PTPRM: variants seen among roughly 807,000 people sequenced by gnomAD.
The protein encoded by PTPRM is receptor-type tyrosine-protein phosphatase mu.
In PTPRM, 47 loss-of-function variants were observed where a neutral mutation model predicts 186.7. The observed-to-expected ratio is 0.25, with a 90% CI of 0.20 to 0.32. The LOEUF is 0.32. PTPRM is among the 10% of genes least tolerant of loss of function. The probability of loss-of-function intolerance (pLI) is 1.00; values close to 1 mark genes in which losing one functional copy is unlikely to be tolerated. For missense variants in PTPRM, 1,494 were observed against 1,865.0 expected, an observed-to-expected ratio of 0.80 and a Z score of 3.66; for synonymous variants, 668 against 674.9, an observed-to-expected ratio of 0.99 and a Z score of 0.16.
chr18:7,597,458 A>G (rs1567974739), intron 1 of PTPRM, among the ~76,000 whole-genome samples: 1 of 152,176 alleles, frequency 6.6e-6, no homozygotes, highest in African/African-American at 2.4e-5. Flanking sequence ...TACTAGAGTC[A>G]GTTTTGTTAC....
At chr18:7,987,247 C>A (rs1454299056) in intron 7 of PTPRM, among the ~76,000 whole-genome samples, 2 of 152,228 alleles carry the variant, frequency 1.3e-5, no homozygotes, top group East Asian at 3.9e-4. Flanking sequence ...AACCCTTGGT[C>A]AGTTGTGTTT....
intron 13 of PTPRM, among the ~76,000 whole-genome samples, chr18:8,117,277 G>A (rs2091992035): frequency 6.6e-6 from 1 of 152,196 alleles, no homozygotes; most frequent in Non-Finnish European, 1.5e-5. Flanking sequence ...AACATCCTGA[G>A]TGTGTGTTGC....
At chr18:7,613,989 C>T (rs529968802) in intron 1 of PTPRM, among the ~76,000 whole-genome samples, 3 of 152,268 alleles carry the variant, frequency 2.0e-5, no homozygotes, top group East Asian at 1.9e-4. Flanking sequence ...GAGAATGACA[C>T]GTTCATGACT....
intron 5 of PTPRM, among the ~76,000 whole-genome samples, chr18:7,947,576 C>T (rs540351682): frequency 9.9e-5 from 15 of 152,256 alleles, no homozygotes; most frequent in Admixed American, 5.9e-4. Context: ...GGTGCTTGCC[C>T]ACCTCCCTAG....
chr18:7,911,366 T>C (rs1179817729), intron 4 of PTPRM, among the ~76,000 whole-genome samples: 1 of 152,228 alleles, frequency 6.6e-6, no homozygotes, highest in African/African-American at 2.4e-5. Flanking sequence ...CAAACAGCAG[T>C]GTATGATTTC....
At chr18:7,803,443 C>T (rs911076390) in intron 2 of PTPRM, among the ~76,000 whole-genome samples, 2 of 152,134 alleles carry the variant, frequency 1.3e-5, no homozygotes, top group African/African-American at 2.4e-5. Context: ...TTATGTGGAG[C>T]CCACCTGGAT....
chr18:8,243,279 A>G (rs548238850), intron 14 of PTPRM, among the ~76,000 whole-genome samples: 2 of 152,120 alleles, frequency 1.3e-5, no homozygotes, highest in Admixed American at 1.3e-4. Flanking sequence ...CTTTTTTTTC[A>G]TTCTCTTCCA....
chr18:7,716,009 T>G (rs1246549405), intron 1 of PTPRM, among the ~76,000 whole-genome samples: 1 of 152,182 alleles, frequency 6.6e-6, no homozygotes, highest in Non-Finnish European at 1.5e-5. Context: ...TAGAAAAAAC[T>G]ACTTTAAATT....
At chr18:8,306,886 A>G (rs1197333737) in intron 20 of PTPRM, among the ~76,000 whole-genome samples, 2 of 152,208 alleles carry the variant, frequency 1.3e-5, no homozygotes, top group Non-Finnish European at 2.9e-5. Context: ...ATTTAGCCTC[A>G]AGAGTACCCC....
At chr18:7,962,402 TTTATC>T (rs1213319451) in intron 7 of PTPRM, among the ~76,000 whole-genome samples, 4 of 152,172 alleles carry the variant, frequency 2.6e-5, no homozygotes, top group East Asian at 3.9e-4. Context: ...TGTGTTTTCT[TTTATC>T]TTATACCCTG....
intron 7 of PTPRM, among the ~76,000 whole-genome samples, chr18:8,004,230 T>C (rs921682334): frequency 2.0e-5 from 3 of 152,048 alleles, no homozygotes; most frequent in African/African-American, 7.2e-5. Flanking sequence ...ACAGTAAGGG[T>C]TGAGAGGGGC....
At chr18:7,990,249 CA>C (rs1317073733) in intron 7 of PTPRM, among the ~76,000 whole-genome samples, 8 of 152,148 alleles carry the variant, frequency 5.3e-5, no homozygotes, top group Non-Finnish European at 1.2e-4. Context: ...TCTATCCTAA[CA>C]CTAACTGTCA....
chr18:8,338,970 G>A (rs1394230729), intron 22 of PTPRM, among the ~76,000 whole-genome samples: 2 of 152,114 alleles, frequency 1.3e-5, no homozygotes, highest in East Asian at 3.9e-4. Context: ...GGGTACAAGT[G>A]CAGTTGTGTT....
At position 7,568,167 on chromosome 18, in the gene PTPRM, G is replaced by T. The variant is rs969789016; in HGVS notation, c.73+276G>T. ...CTCGGCCGCCGTCCTTCCGCGGCCT[G>T]GGCTAGTGCTCAAGGTTGGGCGGCT... On this transcript the variant is annotated intron_variant, in intron 1 of 32. Coordinates refer to ENST00000580170, the MANE Select transcript of PTPRM (RefSeq NM_001105244.2). This position sits in a 1 kb window ranked among gnomAD's most constrained non-coding sequence, Gnocchi z 5.1. Among the ~76,000 whole-genome samples, 1 of 152,022 alleles carries T rather than the reference G, an allele frequency of 6.6e-6. No individual in the cohort carries two copies. Among genetic ancestry groups the T allele is most frequent in the South Asian group, 2.1e-4 (1 of 4,832 alleles).
chr18:8,335,861 T>C (rs981050132), intron 22 of PTPRM, among the ~76,000 whole-genome samples: 1 of 151,948 alleles, frequency 6.6e-6, no homozygotes, highest in South Asian at 2.1e-4. Flanking sequence ...ATCTCTACTA[T>C]AAACACAAAA....
chr18:7,690,386 G>A (rs1015109348), intron 1 of PTPRM, among the ~76,000 whole-genome samples: 2 of 152,158 alleles, frequency 1.3e-5, no homozygotes, highest in African/African-American at 4.8e-5. Flanking sequence ...TAACCATTGT[G>A]TATTCTTCCA....
chr18:8,092,734 G>A (rs939315225), intron 11 of PTPRM, among the ~76,000 whole-genome samples: 1 of 152,166 alleles, frequency 6.6e-6, no homozygotes, highest in Admixed American at 6.5e-5. Flanking sequence ...GGAGGCAAAG[G>A]TGGAAGGATC....
chr18:8,310,708 C>T (rs2095261574), intron 20 of PTPRM, among the ~76,000 whole-genome samples: 1 of 152,042 alleles, frequency 6.6e-6, no homozygotes, highest in African/African-American at 2.4e-5. Flanking sequence ...GTATTTAAGT[C>T]ATTATTTAAG....
intron 1 of PTPRM, among the ~76,000 whole-genome samples, chr18:7,598,782 C>CTTT (rs34474506): frequency 2.3e-5 from 3 of 127,850 alleles, no homozygotes; most frequent in Non-Finnish European, 5.2e-5. Flanking sequence ...TTCTGAATTC[C>CTTT]TTTTTTTTTT....
Sources: gnomAD v4.1 joint callset for allele counts (sites outside exome capture counted in the v4.1 genomes callset) on GRCh38, gnomAD v4.1.1 for gene constraint, Gnocchi (gnomAD v3.1) non-coding constraint, MANE v1.5 for transcripts, NCBI Gene and HGNC (gene_info 2026-07-23, HGNC 2026-07-21) for gene names.